CKMT1A: variants seen among roughly 807,000 people sequenced by gnomAD.
CKMT1A encodes the protein creatine kinase U-type, mitochondrial.
A neutral mutation model predicts 21.8 loss-of-function variants in CKMT1A; 23 were observed. The ratio of observed to expected loss-of-function variants is 1.05; its 90% CI spans 0.76 to 1.49. The LOEUF is 1.49. CKMT1A is among the 40% of genes most tolerant of loss of function. CKMT1A has a pLI of 0.00. For missense variants in CKMT1A, 154 were observed against 229.4 expected (o/e 0.67, Z 2.12); for synonymous variants, 67 against 80.4 (o/e 0.83, Z 0.89).
chr15:43,698,360 C>T lies in CKMT1A; in HGVS notation c.1011+212C>T, dbSNP rs1363463422. 2.6e-5 allele frequency among the ~76,000 whole-genome samples: 4 copies of T among 151,712 alleles called. No homozygotes were observed. In the South Asian group the frequency reaches 8.3e-4, roughly 32 times the overall value. Reference sequence around the variant, plus strand: ...CCCAGGAGTTCAAGACCAGCCTGGGCAACCTGGTGAAACCCCATCTCTACT... The same window carrying T: ...CCCAGGAGTTCAAGACCAGCCTGGGTAACCTGGTGAAACCCCATCTCTACT... On this transcript the variant is annotated intron_variant, in intron 7 of 8. Coordinates refer to ENST00000413453, the MANE Select transcript of CKMT1A (RefSeq NM_001321926.2).
rs762592806 is a variant in CKMT1A, at chr15:43,699,003, G to A, written c.1168G>A (p.Val390Ile). 6.2e-7 allele frequency: 1 copy of A among 1,613,394 alleles called. No individual in the cohort carries two copies. The highest frequency in any genetic ancestry group is 8.5e-7 in the Non-Finnish European group (1 of 1,179,874). The change falls in exon 9 of 9, where the codon GTA (valine) becomes ATA (isoleucine). Residue 390 changes from valine (V) to isoleucine (I), a missense_variant. Val to Ile is a conservative substitution (Grantham distance 29). Transcript: ENST00000413453. ...VELVQLVIDG[V>I]NYLIDCERRL... is the part of the protein sequence containing the mutation. ...GCTGGTGCAACTGGTCATCGATGGA[G>A]TAAACTATTTGATTGATTGTGAACG...
chr15:43,698,801 T>C, intron 8 of CKMT1A, 35 bp downstream of exon 8: 2 of 1,612,612 alleles, frequency 1.2e-6, no homozygotes. Flanking sequence ...AGGAGAGGTA[T>C]AGGTCTGTGG....
Position 43,698,719 on chromosome 15 carries a change from G to T in CKMT1A, c.1090G>T (p.Gly364Cys), listed in dbSNP as rs369457741. ...TGGAGGAGTGGACACTGCTGCCACA[G>T]GCGGTGTCTTTGATATTTCTAATTT... ...GTGGVDTAAT[G>C]GVFDISNLDR... is the part of the protein sequence containing the mutation. Residue 364 changes from glycine (G) to cysteine (C), a missense_variant, in exon 8 of 9, where the codon GGC becomes TGC. Physicochemically the swap from Gly to Cys is radical, Grantham distance 159. Coordinates refer to ENST00000413453, the MANE Select transcript of CKMT1A (RefSeq NM_001321926.2). 2 of 1,613,560 alleles carry T rather than the reference G, an allele frequency of 1.2e-6. No homozygotes were observed. Among genetic ancestry groups the T allele is most frequent in the Non-Finnish European group, 1.7e-6 (2 of 1,179,882 alleles).
At chr15:43,698,559 T>C (rs2086488215) in intron 7 of CKMT1A, 82 bp from the exon 8 acceptor site, 2 of 1,433,024 alleles carry the variant, frequency 1.4e-6, no homozygotes, top group Non-Finnish European at 9.4e-7. Flanking sequence ...GAGACAGAGC[T>C]CTGAGCAGGT....
rs1460694563 is a variant in CKMT1A, at chr15:43,698,148, A to C, written c.1011A>C (p.Lys337Asn). 6.2e-7 allele frequency: 1 copy of C among 1,607,856 alleles called. No homozygotes were observed. Among genetic ancestry groups the C allele is most frequent in the East Asian group, 2.2e-5 (1 of 44,842 alleles). The stretch of plus-strand genomic sequence containing the variant: ...ACATCAAACTGCCCCTGCTAAGCAA[A>C]GTAAAGGAGTTGTGGGGTTACAGAG... ...GVHIKLPLLS[K>N]DSRFPKILEN... Residue 337 changes from lysine (K) to asparagine (N), a missense_variant and splice_region_variant, in exon 7 of 9, where the codon AAA becomes AAC. Physicochemically the swap from Lys to Asn is moderately conservative, Grantham distance 94. Transcript: ENST00000413453.
At chr15:43,696,842 A>C (rs1489335394) in intron 6 of CKMT1A, 2 of 287,288 alleles carry the variant, frequency 7.0e-6, no homozygotes, top group African/African-American at 4.4e-5. Context: ...GAGAGTTCAG[A>C]GGGAGACTGG....
chr15:43,698,700 A>G lies in CKMT1A; in HGVS notation c.1071A>G (p.Gly357=). 2 of 1,613,586 alleles carry G rather than the reference A, an allele frequency of 1.2e-6. No homozygotes were observed. The highest frequency in any genetic ancestry group is 1.7e-6 in the Non-Finnish European group (2 of 1,179,832). ...GACTCCAAAAGCGTGGTACTGGAGG[A>G]GTGGACACTGCTGCCACAGGCGGTG... The part of the protein sequence containing the change: ...NLRLQKRGTG[G]VDTAATGGVF... Residue 357 remains glycine, a synonymous_variant, in exon 8 of 9, where the codon GGA becomes GGG. Transcript: ENST00000413453.
At chr15:43,697,557 C>T (rs768651068) in intron 6 of CKMT1A, 8 of 984,494 alleles carry the variant, frequency 8.1e-6, no homozygotes, top group South Asian at 4.7e-5. Flanking sequence ...ACAGGTGCTC[C>T]GTTCACAGCT....
Position 43,696,313 on chromosome 15 carries a change from G to T in CKMT1A, c.826G>T (p.Gly276Cys). The T allele has an allele frequency of 6.2e-7, 1 of 1,608,378 alleles. No individual in the cohort carries two copies. The highest frequency in any genetic ancestry group is 8.5e-7 in the Non-Finnish European group (1 of 1,177,948). Reference protein sequence around the residue: ...DHTRVISMEKGGNMKRVFERF... With the variant: ...DHTRVISMEKCGNMKRVFERF... ...TACACGGGTGATCTCCATGGAGAAGGGTGGTAACATGAAGAGAGTGTTTGA... is the reference window on the plus strand; with the variant it reads ...TACACGGGTGATCTCCATGGAGAAGTGTGGTAACATGAAGAGAGTGTTTGA... The change falls in exon 6 of 9, where the codon GGT (glycine) becomes TGT (cysteine). Residue 276 changes from glycine to cysteine, a missense_variant. By Grantham distance (159) the Gly-to-Cys change is radical. Coordinates refer to ENST00000413453, the MANE Select transcript of CKMT1A (RefSeq NM_001321926.2).
chr15:43,698,612 C>T, intron 7 of CKMT1A, 29 bp from the exon 8 acceptor site: 1 of 1,606,108 alleles, frequency 6.2e-7, no homozygotes, highest in Non-Finnish European at 8.5e-7. Context: ...CTCTATTGAC[C>T]CTGCTCCCAA....
intron 6 of CKMT1A, chr15:43,697,558 G>T: frequency 1.0e-6 from 1 of 984,572 alleles, no homozygotes; most frequent in Non-Finnish European, 1.2e-6. Flanking sequence ...CAGGTGCTCC[G>T]TTCACAGCTA....
intron 6 of CKMT1A, chr15:43,697,697 C>G: frequency 1.0e-6 from 1 of 984,752 alleles, no homozygotes; most frequent in Non-Finnish European, 1.2e-6. Context: ...ATTGAATAAT[C>G]AGTCCTCTCT....
At chr15:43,696,391 G>A (rs2086445568) in intron 6 of CKMT1A, 28 bp downstream of exon 6, 9 of 1,610,856 alleles carry the variant, frequency 5.6e-6, no homozygotes, top group Admixed American at 1.7e-5. Flanking sequence ...AGGGGAGCTA[G>A]GTGGGAGGAC....
rs759998899 is a variant in CKMT1A at position 43,698,063 on chromosome 15, G to A, written c.926G>A (p.Arg309His). Residue 309 changes from arginine (R) to histidine (H), a missense_variant, in exon 7 of 9, where the codon CGT becomes CAT. By Grantham distance (29) the Arg-to-His change is conservative. Transcript: ENST00000413453. ...ERGWEFMWNE[R>H]LGYILTCPSN... is the part of the protein sequence containing the mutation. ...GGCTGGGAGTTCATGTGGAATGAGC[G>A]TTTGGGATACATCTTGACCTGTCCA... The A allele has an allele frequency of 3.0e-5, 49 of 1,613,470 alleles. 1 individual carries two copies. Among genetic ancestry groups the A allele is most frequent in the African/African-American group, 9.3e-5 (7 of 74,928 alleles).
chr15:43,697,326 T>G, intron 6 of CKMT1A: 2 of 1,270,116 alleles, frequency 1.6e-6, no homozygotes, highest in South Asian at 2.7e-5. Flanking sequence ...GCACATAAGA[T>G]ATCCCTGGTG....
In CKMT1A at chr15:43,699,219, T is replaced by A; in HGVS notation, c.*130T>A. 5.9e-6 allele frequency: 8 copies of A among 1,355,142 alleles called. No individual in the cohort carries two copies. Among genetic ancestry groups the A allele is most frequent in the Non-Finnish European group, 8.2e-6 (8 of 977,220 alleles). 83.9% of individuals were successfully genotyped at this position (1,355,142 alleles called of 1,614,324 possible). A position where few individuals can be genotyped will look rare whatever the true frequency, so the allele number is the denominator to read the frequency against. ...TCCTAGTAAAGACTCCTTGCTATGC[T>A]GCAGCTGTCTGTGTTACTTCTAATG... is the stretch of plus-strand genomic sequence containing the variant. On this transcript the variant is annotated 3_prime_UTR_variant, in exon 9 of 9. Transcript: ENST00000413453.
intron 7 of CKMT1A, 51 bp downstream of exon 7, chr15:43,698,199 G>T: frequency 6.2e-7 from 1 of 1,602,982 alleles, no homozygotes; most frequent in Non-Finnish European, 8.5e-7. Context: ...AGGGTGGGTT[G>T]TGGATGGGGA....
In CKMT1A at chr15:43,698,229, A is replaced by G. The variant is rs140347688; in HGVS notation, c.1011+81A>G. The G allele has an allele frequency of 2.0e-3, 3,211 of 1,602,140 alleles. 131 individuals are homozygous for G. In the East Asian group the frequency reaches 0.065, roughly 33 times the overall value. On this transcript the variant is annotated intron_variant, in intron 7 of 8. Transcript: ENST00000413453. ...TGGGGAGGGAGTGGACCCTTTGGAG[A>G]GGAGCCAAACATGTTGTGGCTAAAG...
At chr15:43,698,513 A>G (rs893484483) in intron 7 of CKMT1A, 128 bp from the exon 8 acceptor site, 7 of 1,369,270 alleles carry the variant, frequency 5.1e-6, no homozygotes, top group Non-Finnish European at 2.0e-6. Context: ...CTGTCTAAAA[A>G]AAAAAAAAAA....
Sources: gnomAD v4.1 joint callset for allele counts (sites outside exome capture counted in the v4.1 genomes callset) on GRCh38, gnomAD v4.1.1 for gene constraint, MANE v1.5 for transcripts, NCBI Gene and HGNC (gene_info 2026-07-23, HGNC 2026-07-21) for gene names.